Variants in TRPM4 observed in about 807,000 individuals in gnomAD.
TRPM4 encodes the protein calcium-activated non-selective cation channel 1.
TRPM4 carries 124 observed loss-of-function variants against 135.6 expected under a neutral mutation model. The ratio of observed to expected loss-of-function variants is 0.91; its 90% CI spans 0.79 to 1.06. The LOEUF (loss-of-function observed/expected upper bound fraction) is 1.06, where lower values mean the gene tolerates loss of function less well. Among genes scored for constraint, TRPM4 ranks in the 50% least tolerant of loss-of-function variants. TRPM4 has a pLI of 0.00. For synonymous variants in TRPM4, 745 were observed against 705.6 expected (o/e 1.06, Z -0.88); for missense variants, 1,658 against 1,671.4 (o/e 0.99, Z 0.14).
chr19:49,194,954 G>A (rs1968575455), intron 16 of TRPM4, among the ~76,000 whole-genome samples: 1 of 150,948 alleles, frequency 6.6e-6, no homozygotes, highest in African/African-American at 2.4e-5. Flanking sequence ...TAGAGATGGG[G>A]TTTCACCATG....
rs1169527215 is a variant in TRPM4, at chr19:49,210,531, C to T, written c.3328+126C>T. On this transcript the variant is annotated intron_variant, in intron 21 of 24. Coordinates refer to ENST00000252826, the MANE Select transcript of TRPM4 (RefSeq NM_017636.4). The surrounding 1 kb of genome is among the most constrained non-coding windows in gnomAD (Gnocchi z 4.1). The stretch of plus-strand genomic sequence containing the variant: ...TAGGTAGCGAGGGGCGGGGTTTAAG[C>T]AACAAGGGGCGGAGCTTAAGCACTG... The T allele has an allele frequency of 2.8e-6, 4 of 1,424,956 alleles. No individual in the cohort carries two copies. The highest frequency in any genetic ancestry group is 3.9e-6 in the Non-Finnish European group (4 of 1,034,972). 88.3% of individuals were successfully genotyped at this position (1,424,956 alleles called of 1,614,324 possible). A position where few individuals can be genotyped will look rare whatever the true frequency, so the allele number is the denominator to read the frequency against.
intron 14 of TRPM4, 28 bp downstream of exon 14, chr19:49,189,119 A>G (rs1004538872): frequency 2.5e-6 from 4 of 1,613,586 alleles, no homozygotes; most frequent in African/African-American, 1.3e-5. Context: ...CAACATCCCA[A>G]ACAGTCTCCA....
intron 20 of TRPM4, among the ~76,000 whole-genome samples, chr19:49,203,426 G>T (rs560208371): frequency 1.3e-5 from 2 of 152,146 alleles, no homozygotes; most frequent in South Asian, 2.1e-4. Context: ...TGATCCGCCC[G>T]CCTTGGCCTC....
At chr19:49,197,606 A>G (rs1407852458) in intron 17 of TRPM4, among the ~76,000 whole-genome samples, 3 of 150,738 alleles carry the variant, frequency 2.0e-5, no homozygotes, top group Non-Finnish European at 2.9e-5. Context: ...CCTCCTTTTG[A>G]GGAGAGCAAA....
Position 49,210,298 on chromosome 19 carries a change from C to A in TRPM4, c.3221C>A (p.Ala1074Glu). The A allele has an allele frequency of 6.2e-7, 1 of 1,614,240 alleles. No homozygotes were observed. Among genetic ancestry groups the A allele is most frequent in the South Asian group, 1.1e-5 (1 of 91,090 alleles). ...RLIREFHSRPALAPPFIVISH... is the reference protein window; with the variant it reads ...RLIREFHSRPELAPPFIVISH... ...ATCCGGGAATTCCACTCTCGGCCCG[C>A]GCTGGCCCCGCCCTTTATCGTCATC... Residue 1074 changes from alanine to glutamate, a missense_variant, in exon 21 of 25, where the codon GCG becomes GAG. Physicochemically the swap from Ala to Glu is moderately radical, Grantham distance 107 (BLOSUM62 -1). This residue lies in a region of TRPM4 where 1,412 missense variants were observed against 1,408.7 expected (regional missense o/e 1.00). Transcript: ENST00000252826. This position sits in a 1 kb window ranked among gnomAD's most constrained non-coding sequence, Gnocchi z 4.1.
intron 17 of TRPM4, among the ~76,000 whole-genome samples, chr19:49,197,322 TTC>T (rs757848389): frequency 5.9e-5 from 7 of 118,300 alleles, no homozygotes; most frequent in African/African-American, 1.3e-4. Context: ...CTTTCTTTCT[TTC>T]TTTCTTTCTT....
rs1326898712 is a variant in TRPM4 at position 49,157,870 on chromosome 19, G to C, written c.4G>C (p.Val2Leu). The C allele has an allele frequency of 6.5e-7, 1 of 1,534,824 alleles. No individual in the cohort carries two copies. The highest frequency in any genetic ancestry group is 1.4e-5 in the African/African-American group (1 of 73,006). The part of the protein sequence containing the change: M[V>L]VPEKEQSWIP... Reference sequence around the variant, plus strand: ...AGGTTGCGGCGGCCGCGGCAGCATGGTGGTGCCGGAGAAGGAGCAGGTGAG... The same window carrying C: ...AGGTTGCGGCGGCCGCGGCAGCATGCTGGTGCCGGAGAAGGAGCAGGTGAG... The change falls in exon 1 of 25, where the codon GTG becomes CTG. Residue 2 changes from valine (V) to leucine (L), a missense_variant. By Grantham distance (32) the Val-to-Leu change is conservative. Coordinates refer to ENST00000252826, the MANE Select transcript of TRPM4 (RefSeq NM_017636.4).
intron 12 of TRPM4, among the ~76,000 whole-genome samples, chr19:49,187,501 C>T (rs1968240178): frequency 6.6e-6 from 1 of 151,498 alleles, no homozygotes; most frequent in Non-Finnish European, 1.5e-5. Context: ...CAGACCACCA[C>T]GCCTGGCTAA....
chr19:49,171,804 A>G lies in TRPM4; in HGVS notation c.1050+35A>G, dbSNP rs1967471285. 1 of 1,593,912 alleles carries G rather than the reference A, an allele frequency of 6.3e-7. No individual in the cohort carries two copies. Among genetic ancestry groups the G allele is most frequent in the South Asian group, 1.1e-5 (1 of 90,278 alleles). The stretch of plus-strand genomic sequence containing the variant: ...TGGGGGCCCAACTCTGGATCCTGAG[A>G]TGGGAGGGAACTGGGGACTTGGGCT... On this transcript the variant is annotated intron_variant, in intron 8 of 24. Coordinates refer to ENST00000252826, the MANE Select transcript of TRPM4 (RefSeq NM_017636.4). This position sits in a 1 kb window ranked among gnomAD's most constrained non-coding sequence, Gnocchi z 4.7.
intron 9 of TRPM4, 59 bp downstream of exon 9, chr19:49,172,167 T>A: frequency 7.6e-7 from 1 of 1,310,546 alleles, no homozygotes; most frequent in Non-Finnish European, 1.1e-6. Flanking sequence ...ACACCTTTCC[T>A]GGCCTGGGCA....
At chr19:49,185,457 TC>T (rs1276842817) in intron 12 of TRPM4, among the ~76,000 whole-genome samples, 1 of 152,130 alleles carries the variant, frequency 6.6e-6, no homozygotes, top group East Asian at 1.9e-4. Context: ...CCCAGGTTGG[TC>T]TTGAATTCTT....
At chr19:49,203,283 G>A (rs528144417) in intron 20 of TRPM4, among the ~76,000 whole-genome samples, 78 of 151,770 alleles carry the variant, frequency 5.1e-4, no homozygotes, top group African/African-American at 1.4e-3. Flanking sequence ...AGGTTCAAGC[G>A]ATTCTCCTGC....
At chr19:49,174,755 A>G in intron 9 of TRPM4, among the ~76,000 whole-genome samples, 1 of 151,552 alleles carries the variant, frequency 6.6e-6, no homozygotes, top group Admixed American at 6.6e-5. Context: ...AAAAAAAAAA[A>G]AAAAAACCTA....
At position 49,171,854 on chromosome 19, in the gene TRPM4, G is replaced by T; in HGVS notation, c.1050+85G>T. On this transcript the variant is annotated intron_variant, in intron 8 of 24. Transcript: ENST00000252826. This position sits in a 1 kb window ranked among gnomAD's most constrained non-coding sequence, Gnocchi z 4.7. The stretch of plus-strand genomic sequence containing the variant: ...TCCTGGGTCTGAGGGAGGAGGGGCT[G>T]GGGGCCTGGACTTCCAGGTTCCGGG... 1 of 1,487,128 alleles carries T rather than the reference G, an allele frequency of 6.7e-7. No homozygotes were observed. The highest frequency in any genetic ancestry group is 1.2e-5 in the South Asian group (1 of 86,218). The allele number at this position is 1,487,128 out of a possible 1,614,324, so 92.1% of individuals were successfully genotyped here. A position where few individuals can be genotyped will look rare whatever the true frequency, so the allele number is the denominator to read the frequency against.
chr19:49,169,368 T>C (rs1355030354), intron 6 of TRPM4, among the ~76,000 whole-genome samples: 1 of 145,924 alleles, frequency 6.9e-6, no homozygotes, highest in Non-Finnish European at 1.5e-5. Context: ...GCCTCCTGGG[T>C]TCAAGCAATT....
intron 2 of TRPM4, 178 bp downstream of exon 2, chr19:49,158,437 T>G: frequency 2.0e-5 from 13 of 646,178 alleles, no homozygotes; most frequent in East Asian, 2.6e-5. Flanking sequence ...ACACCCCTCA[T>G]TCCCCATTCG....
chr19:49,202,817 A>G (rs1468375424), intron 20 of TRPM4, among the ~76,000 whole-genome samples: 1 of 151,750 alleles, frequency 6.6e-6, no homozygotes, highest in Admixed American at 6.6e-5. Flanking sequence ...GGTGTGAGCC[A>G]TCGCGCCCAG....
In TRPM4 at chr19:49,187,128, G is replaced by A. The variant is rs543586203; in HGVS notation, c.1744-1513G>A. On this transcript the variant is annotated intron_variant, in intron 12 of 24. Transcript: ENST00000252826. ...AACTGGGGAGCTGGGGGTAGTAAGT[G>A]GGTAGGTTAAAATGTCACAGTACCC... Among the ~76,000 whole-genome samples, 10 of 151,994 alleles carry A rather than the reference G, an allele frequency of 6.6e-5. No individual in the cohort carries two copies. The South Asian group carries it at 2.1e-3, about 32-fold the overall frequency.
At chr19:49,170,305 C>G (rs1424690667) in intron 6 of TRPM4, among the ~76,000 whole-genome samples, 1 of 152,230 alleles carries the variant, frequency 6.6e-6, no homozygotes, top group African/African-American at 2.4e-5. Context: ...TTTCCTGCCT[C>G]AGCCTCCCGA....
Sources: gnomAD v4.1 joint callset for allele counts (sites outside exome capture counted in the v4.1 genomes callset) on GRCh38, gnomAD v4.1.1 for gene constraint, gnomAD v4.1.1 regional missense constraint, Gnocchi (gnomAD v3.1) non-coding constraint, MANE v1.5 for transcripts, NCBI Gene and HGNC (gene_info 2026-07-23, HGNC 2026-07-21) for gene names.